SRPK2: variants seen among roughly 807,000 people sequenced by gnomAD.
The protein encoded by SRPK2 is SRSF protein kinase 2, also known as SFRS protein kinase 2.
Under a neutral mutation model 90.8 loss-of-function variants are expected in SRPK2, and 21 were observed. The ratio of observed to expected loss-of-function variants is 0.23; its 90% confidence interval spans 0.16 to 0.33. The LOEUF is 0.33. Among genes scored for constraint, SRPK2 ranks in the 10% least tolerant of loss-of-function variants. The pLI, the probability that SRPK2 is intolerant of heterozygous loss-of-function variation, is 1.00. For synonymous variants in SRPK2, 288 were observed against 311.1 expected, an observed-to-expected ratio of 0.93 and a Z score of 0.78; for missense variants, 620 against 869.0, an observed-to-expected ratio of 0.71 and a Z score of 3.60.
intron 2 of SRPK2, among the ~76,000 whole-genome samples, chr7:105,345,639 C>T (rs933149184): frequency 1.1e-4 from 17 of 152,012 alleles, no homozygotes; most frequent in African/African-American, 3.9e-4. Context: ...TTCTCAAACT[C>T]GTTCATCTAT....
intron 1 of SRPK2, among the ~76,000 whole-genome samples, chr7:105,396,810 GAAAGAGAGAA>G (rs1563329635): frequency 1.2e-5 from 1 of 81,744 alleles, no homozygotes; most frequent in Non-Finnish European, 2.9e-5. Flanking sequence ...GAGAAAGAAA[GAAAGAGAGAA>G]AGAGAGAGAG....
chr7:105,250,687 A>AT (rs1209978493), intron 2 of SRPK2, among the ~76,000 whole-genome samples: 1 of 152,224 alleles, frequency 6.6e-6, no homozygotes, highest in African/African-American at 2.4e-5. Context: ...TTGGAAGAAT[A>AT]TTTTTTGGAA....
chr7:105,174,101 T>C (rs1303228686), intron 3 of SRPK2, among the ~76,000 whole-genome samples: 1 of 150,790 alleles, frequency 6.6e-6, no homozygotes, highest in Non-Finnish European at 1.5e-5. Flanking sequence ...AAAAAAACTC[T>C]TATCGGATTA....
chr7:105,263,471 A>G (rs1409934343), intron 2 of SRPK2, among the ~76,000 whole-genome samples: 1 of 152,184 alleles, frequency 6.6e-6, no homozygotes, highest in East Asian at 1.9e-4. Context: ...AATTACAACT[A>G]CACACAACAA....
chr7:105,145,273 A>T lies in SRPK2; in HGVS notation c.813+10T>A. On this transcript the variant is annotated intron_variant, in intron 9 of 15. Transcript: ENST00000393651. ...ATGGTGCATATAAAGTAATATGCGT[A>T]AGTACTTACAGGTTTCTGCTGTGGA... is the stretch of plus-strand genomic sequence containing the variant. The T allele has an allele frequency of 1.3e-6, 2 of 1,589,410 alleles. No homozygotes were observed. The highest frequency in any genetic ancestry group is 1.3e-5 in the African/African-American group (1 of 74,472).
At chr7:105,354,428 G>C (rs1817559990) in intron 2 of SRPK2, among the ~76,000 whole-genome samples, 1 of 152,152 alleles carries the variant, frequency 6.6e-6, no homozygotes, top group Non-Finnish European at 1.5e-5. Context: ...AATCACTCCA[G>C]GTAGTAGCCC....
At chr7:105,355,785 C>T (rs1283549639) in intron 2 of SRPK2, among the ~76,000 whole-genome samples, 4 of 152,114 alleles carry the variant, frequency 2.6e-5, no homozygotes, top group South Asian at 2.1e-4. Flanking sequence ...CGGTGCCTCA[C>T]GCCTGTTACC....
At chr7:105,203,145 T>C (rs1384011565) in intron 3 of SRPK2, among the ~76,000 whole-genome samples, 1 of 152,126 alleles carries the variant, frequency 6.6e-6, no homozygotes, top group Non-Finnish European at 1.5e-5. Context: ...CTTACCACCA[T>C]GCCCAGCTAA....
chr7:105,123,675 G>A (rs745775616), intron 15 of SRPK2, among the ~76,000 whole-genome samples: 7 of 152,114 alleles, frequency 4.6e-5, no homozygotes, highest in Non-Finnish European at 8.8e-5. Flanking sequence ...AGAGACAACG[G>A]TGAAATCTAT....
In SRPK2 at chr7:105,283,570, C is replaced by T. The variant is rs139304135; in HGVS notation, c.72-79785G>A. ...TGTAAATTGTCCAGAATAGAGAAAT[C>T]CATCAACACAGAAAGTAGATTAGTG... On this transcript the variant is annotated intron_variant, in intron 2 of 15. Transcript: ENST00000393651. 3.0e-4 allele frequency among the ~76,000 whole-genome samples: 45 copies of T among 152,174 alleles called. No individual in the cohort carries two copies. The East Asian group carries it at 7.9e-3, about 27-fold the overall frequency.
intron 2 of SRPK2, among the ~76,000 whole-genome samples, chr7:105,365,510 T>TTA (rs71152965): frequency 0.18 from 21,243 of 116,080 alleles, 2,168 homozygotes; most frequent in East Asian, 0.56. Flanking sequence ...AAAAAAAAAA[T>TTA]TATATATATA....
intron 6 of SRPK2, among the ~76,000 whole-genome samples, chr7:105,166,349 G>C (rs931800765): frequency 6.6e-6 from 1 of 152,124 alleles, no homozygotes; most frequent in Non-Finnish European, 1.5e-5. Flanking sequence ...GTATTAAGAA[G>C]TCTCCAATAC....
intron 2 of SRPK2, among the ~76,000 whole-genome samples, chr7:105,262,930 C>G (rs1274716005): frequency 6.6e-6 from 1 of 152,194 alleles, no homozygotes; most frequent in Admixed American, 6.5e-5. Context: ...GGTACATTCA[C>G]TTTGGAAAAC....
intron 2 of SRPK2, among the ~76,000 whole-genome samples, chr7:105,278,069 A>G (rs1181171392): frequency 1.3e-5 from 2 of 152,226 alleles, no homozygotes; most frequent in African/African-American, 4.8e-5. Context: ...CAATCCCAGC[A>G]CTTTGGGAGG....
At chr7:105,348,425 C>CTTTTTTTTTTT (rs1198801071) in intron 2 of SRPK2, among the ~76,000 whole-genome samples, 1 of 117,590 alleles carries the variant, frequency 8.5e-6, no homozygotes, top group African/African-American at 3.2e-5. Context: ...TTTTTTCTTT[C>CTTTTTTTTTTT]TTTTTTTTTT....
At chr7:105,201,183 T>C (rs1283151910) in intron 3 of SRPK2, among the ~76,000 whole-genome samples, 2 of 152,306 alleles carry the variant, frequency 1.3e-5, no homozygotes, top group East Asian at 3.9e-4. Flanking sequence ...TCCCTGAATA[T>C]GTATATGTCA....
At chr7:105,312,001 T>C (rs549364521) in intron 2 of SRPK2, among the ~76,000 whole-genome samples, 4 of 152,186 alleles carry the variant, frequency 2.6e-5, no homozygotes, top group Non-Finnish European at 1.5e-5. Context: ...ATATATACAA[T>C]GTAATATTAT....
chr7:105,248,042 G>A (rs1801952351), intron 2 of SRPK2, among the ~76,000 whole-genome samples: 1 of 152,004 alleles, frequency 6.6e-6, no homozygotes, highest in African/African-American at 2.4e-5. Context: ...TTAGTAGAGA[G>A]GGGTTTCTCC....
intron 3 of SRPK2, among the ~76,000 whole-genome samples, chr7:105,193,174 G>T (rs967858703): frequency 1.3e-5 from 2 of 152,102 alleles, no homozygotes; most frequent in Non-Finnish European, 2.9e-5. Flanking sequence ...ATAGTTTCAG[G>T]TCTTAGATTT....
Sources: gnomAD v4.1 joint callset for allele counts (sites outside exome capture counted in the v4.1 genomes callset) on GRCh38, gnomAD v4.1.1 for gene constraint, MANE v1.5 for transcripts, NCBI Gene and HGNC (gene_info 2026-07-23, HGNC 2026-07-21) for gene names.